Variants in PRDM5 observed in about 807,000 individuals in gnomAD.
PRDM5 encodes PR/SET domain 5, also known as PR domain zinc finger protein 5.
PRDM5 carries 56 observed loss-of-function variants against 81.2 expected under a neutral mutation model. That is an observed-to-expected ratio of 0.69 (90% CI 0.56 to 0.86). PRDM5 has a LOEUF of 0.86. PRDM5 is among the 40% of genes least tolerant of loss of function. The probability of loss-of-function intolerance (pLI) is 0.00; values close to 1 mark genes in which losing one functional copy is unlikely to be tolerated. For missense variants in PRDM5, 697 were observed against 770.1 expected, an observed-to-expected ratio of 0.91 and a Z score of 1.12; for synonymous variants, 267 against 256.4, an observed-to-expected ratio of 1.04 and a Z score of -0.39.
At chr4:120,821,050 A>G in intron 4 of PRDM5, 121 bp downstream of exon 4, 1 of 1,201,218 alleles carries the variant, frequency 8.3e-7, no homozygotes, top group Admixed American at 1.7e-5. Flanking sequence ...AATAATTTTG[A>G]CAAAAACTAA....
At chr4:120,819,111 T>TA (rs1754930444) in intron 4 of PRDM5, among the ~76,000 whole-genome samples, 1 of 152,134 alleles carries the variant, frequency 6.6e-6, no homozygotes, top group Non-Finnish European at 1.5e-5. Flanking sequence ...ATGCAGAAAA[T>TA]AAAAAACACC....
In PRDM5 at chr4:120,725,278, T is replaced by G. The variant is rs1376843249; in HGVS notation, c.1624-14865A>C. On this transcript the variant is annotated intron_variant, in intron 14 of 15. Transcript: ENST00000264808. The stretch of plus-strand genomic sequence containing the variant: ...CTTTTCATCTGATATACAGTTGTTT[T>G]TTTTTTTTCTGTAAGCAAATTTGAG... Among the ~76,000 whole-genome samples, 17 of 152,128 alleles carry G rather than the reference T, an allele frequency of 1.1e-4. 1 individual carries two copies. The highest frequency in any genetic ancestry group is 9.2e-4 in the Admixed American group (14 of 15,278).
chr4:120,783,025 C>T lies in PRDM5; in HGVS notation c.1283-1722G>A, dbSNP rs1198446643. 3.9e-5 allele frequency among the ~76,000 whole-genome samples: 6 copies of T among 151,928 alleles called. No homozygotes were observed. In the East Asian group the frequency reaches 7.7e-4, roughly 20 times the overall value. On this transcript the variant is annotated intron_variant, in intron 11 of 15. Coordinates refer to ENST00000264808, the MANE Select transcript of PRDM5 (RefSeq NM_018699.4). ...TACCTACAAGCTAGCCAGCAACTTG[C>T]CTTTTGGTTTTCAACATATTGGGAA...
Position 120,695,435 on chromosome 4 carries a change from T to C in PRDM5, c.1729-160A>G, listed in dbSNP as rs530364532. On this transcript the variant is annotated intron_variant, in intron 15 of 15. Coordinates refer to ENST00000264808, the MANE Select transcript of PRDM5 (RefSeq NM_018699.4). ...CCCTTCCCTTTTCCCAGCTGCTGGA[T>C]TTAAACATTTCCAGTGAAACAACTC... Among the ~76,000 whole-genome samples, 3 of 152,278 alleles carry C rather than the reference T, an allele frequency of 2.0e-5. No individual in the cohort carries two copies. The South Asian group carries it at 6.2e-4, about 32-fold the overall frequency.
chr4:120,861,918 AT>A (rs1272414161), intron 2 of PRDM5, among the ~76,000 whole-genome samples: 2 of 152,268 alleles, frequency 1.3e-5, no homozygotes, highest in East Asian at 3.9e-4. Flanking sequence ...GGAGAAAAAA[AT>A]TTTTTTAATC....
At chr4:120,790,580 A>C (rs1315071382) in intron 10 of PRDM5, among the ~76,000 whole-genome samples, 1 of 152,342 alleles carries the variant, frequency 6.6e-6, no homozygotes, top group Non-Finnish European at 1.5e-5. Context: ...AAATACGTAA[A>C]GATTCCTAAA....
intron 8 of PRDM5, among the ~76,000 whole-genome samples, chr4:120,808,140 A>G (rs532641045): frequency 6.6e-6 from 1 of 152,206 alleles, no homozygotes; most frequent in South Asian, 2.1e-4. Flanking sequence ...GTGGAAGGGG[A>G]CCTGAGCGGG....
At chr4:120,794,455 T>C (rs1751042071) in intron 10 of PRDM5, among the ~76,000 whole-genome samples, 2 of 151,802 alleles carry the variant, frequency 1.3e-5, no homozygotes, top group South Asian at 4.1e-4. Flanking sequence ...AAGAGTGAAC[T>C]GTATTGCCTT....
At position 120,881,971 on chromosome 4, in the gene PRDM5, C is replaced by T. The variant is rs534788809; in HGVS notation, c.177+25503G>A. On this transcript the variant is annotated intron_variant, in intron 2 of 15. Transcript: ENST00000264808. ...GCAGGAACCAAGCTGACCAAATCTA[C>T]AGATCCTGTTGAAATCATATGAAAA... 1.4e-4 allele frequency among the ~76,000 whole-genome samples: 21 copies of T among 152,354 alleles called. No individual in the cohort carries two copies. The South Asian group carries it at 4.3e-3, about 32-fold the overall frequency.
At chr4:120,713,212 T>C (rs1269577629) in intron 14 of PRDM5, among the ~76,000 whole-genome samples, 1 of 152,192 alleles carries the variant, frequency 6.6e-6, no homozygotes, top group East Asian at 1.9e-4. Context: ...TCTGTAATAA[T>C]TCTTTTTTAC....
intron 15 of PRDM5, among the ~76,000 whole-genome samples, chr4:120,706,756 TTTTA>T (rs1220288880): frequency 1.6e-4 from 15 of 95,996 alleles, no homozygotes; most frequent in African/African-American, 4.6e-4. Context: ...ATTATATAAA[TTTTA>T]TATATATATA....
At chr4:120,734,446 A>C (rs558105520) in intron 14 of PRDM5, among the ~76,000 whole-genome samples, 69 of 151,262 alleles carry the variant, frequency 4.6e-4, no homozygotes, top group South Asian at 1.9e-3. Flanking sequence ...ACACACACAC[A>C]CCCTTACTCA....
intron 7 of PRDM5, among the ~76,000 whole-genome samples, chr4:120,811,814 G>A (rs1561340259): frequency 6.6e-6 from 1 of 152,020 alleles, no homozygotes; most frequent in Non-Finnish European, 1.5e-5. Flanking sequence ...GGCATGCAAT[G>A]TGTAATAATC....
intron 13 of PRDM5, among the ~76,000 whole-genome samples, chr4:120,766,622 G>T (rs531101912): frequency 6.6e-6 from 1 of 152,036 alleles, no homozygotes; most frequent in African/African-American, 2.4e-5. Context: ...TAACAGCAGG[G>T]GTCAGGGGGT....
intron 3 of PRDM5, among the ~76,000 whole-genome samples, chr4:120,846,817 C>T (rs1446187332): frequency 6.6e-6 from 1 of 152,124 alleles, no homozygotes; most frequent in African/African-American, 2.4e-5. Flanking sequence ...AGAGCTAGAT[C>T]ATCTTTTTAG....
chr4:120,786,076 A>G (rs1438689761), intron 10 of PRDM5, among the ~76,000 whole-genome samples: 2 of 152,162 alleles, frequency 1.3e-5, no homozygotes, highest in Non-Finnish European at 2.9e-5. Flanking sequence ...CTCATATTAC[A>G]TAAAACAAAT....
At chr4:120,906,383 ATAGC>A (rs1765792762) in intron 2 of PRDM5, among the ~76,000 whole-genome samples, 1 of 152,180 alleles carries the variant, frequency 6.6e-6, no homozygotes, top group African/African-American at 2.4e-5. Flanking sequence ...GCTATACCCT[ATAGC>A]TTAGGAGTAC....
intron 14 of PRDM5, among the ~76,000 whole-genome samples, chr4:120,712,601 TA>T (rs1243347319): frequency 6.6e-6 from 1 of 152,184 alleles, no homozygotes; most frequent in Non-Finnish European, 1.5e-5. Context: ...ACATTGTTAC[TA>T]CCTATGTATG....
intron 2 of PRDM5, among the ~76,000 whole-genome samples, chr4:120,907,035 T>A (rs1407764109): frequency 1.3e-5 from 2 of 151,786 alleles, no homozygotes; most frequent in Non-Finnish European, 2.9e-5. Context: ...GAACTTTTTT[T>A]AAAACCTAAA....
Sources: allele counts gnomAD v4.1 joint callset (sites outside exome capture counted in the v4.1 genomes callset), GRCh38; gene constraint gnomAD v4.1.1; transcripts MANE v1.5; gene names NCBI Gene and HGNC (gene_info 2026-07-23, HGNC 2026-07-21).